The following LUM variants were observed in gnomAD, a reference collection of about 807,000 sequenced individuals.
LUM encodes the protein KSPG lumican.
Under a neutral mutation model 20.5 loss-of-function variants are expected in LUM, and 13 were observed. The ratio of observed to expected loss-of-function variants is 0.63; its 90% CI spans 0.41 to 1.01. The LOEUF (loss-of-function observed/expected upper bound fraction) is 1.01. Among genes scored for constraint, LUM ranks in the 50% least tolerant of loss-of-function variants. The pLI, the probability that LUM is intolerant of heterozygous loss-of-function variation, is 0.00. For synonymous variants in LUM, 173 were observed against 151.5 expected (o/e 1.14, Z -1.04); for missense variants, 321 against 391.1 (o/e 0.82, Z 1.51).
At chr12:91,111,038 G>T (rs1396461676) in intron 1 of LUM, among the ~76,000 whole-genome samples, 1 of 152,118 alleles carries the variant, frequency 6.6e-6, no homozygotes, top group Admixed American at 6.6e-5. Context: ...TGATTAAAAT[G>T]ACTTTTCTTT....
At chr12:91,109,093 G>T in intron 1 of LUM, 93 bp from the exon 2 acceptor site, 1 of 956,442 alleles carries the variant, frequency 1.0e-6, no homozygotes, top group Non-Finnish European at 1.5e-6. Context: ...TAGAAAATGT[G>T]CATTTTGTTA....
chr12:91,108,967 C>T lies in LUM; in HGVS notation c.13G>A (p.Ala5Thr), dbSNP rs1339010931. MSLS[A>T]FTLFLALIGG... ...ATCAATGCCAGGAAGAGAGTAAATG[C>T]ACTTAGACTCATTTTTGGCAAATGG... The change falls in exon 2 of 3, where the codon GCA becomes ACA. Residue 5 changes from alanine to threonine, a missense_variant. Physicochemically the swap from Ala to Thr is moderately conservative, Grantham distance 58 (BLOSUM62 0). Coordinates refer to ENST00000266718, the MANE Select transcript of LUM (RefSeq NM_002345.4). The surrounding 1 kb of genome is among the most constrained non-coding windows in gnomAD (Gnocchi z 4.2). 2.5e-6 allele frequency: 4 copies of T among 1,612,126 alleles called. No individual in the cohort carries two copies. Among genetic ancestry groups the T allele is most frequent in the South Asian group, 1.1e-5 (1 of 90,682 alleles).
At chr12:91,110,649 G>C (rs1405365777) in intron 1 of LUM, among the ~76,000 whole-genome samples, 1 of 152,088 alleles carries the variant, frequency 6.6e-6, no homozygotes, top group Non-Finnish European at 1.5e-5. Context: ...ACTATAATGT[G>C]AGTATTAAAT....
At chr12:91,105,568 G>A (rs1880012371) in intron 2 of LUM, among the ~76,000 whole-genome samples, 1 of 152,186 alleles carries the variant, frequency 6.6e-6, no homozygotes, top group South Asian at 2.1e-4. Flanking sequence ...AATGTGAAAT[G>A]TTGATATAGT....
In LUM at chr12:91,103,916, G is replaced by C. The variant is rs988152826; in HGVS notation, c.*249C>G. On this transcript the variant is annotated 3_prime_UTR_variant, in exon 3 of 3. Coordinates refer to ENST00000266718, the MANE Select transcript of LUM (RefSeq NM_002345.4). ...AAAAGGTTTTGCACATCATTTGACA[G>C]TAGAAATAAAAAAACACTAAATTTA... 3.0e-6 allele frequency: 1 copy of C among 330,704 alleles called. No homozygotes were observed. The allele number at this position is 330,704 out of a possible 1,614,324, so 20.5% of individuals were successfully genotyped here. A position where few individuals can be genotyped will look rare whatever the true frequency, so the allele number is the denominator to read the frequency against.
rs763454610 is a variant in LUM, at chr12:91,104,311, T to G, written c.871A>C (p.Ile291Leu). ...CCCAGGATCTTGCAGAAGCTCTTTA[T>G]GTCAAACTCTAAAAATTAAAGAATA... ...LEVNQLEKFD[I>L]KSFCKILGPL... is the part of the protein sequence containing the mutation. The change falls in exon 3 of 3, where the codon ATA becomes CTA. Residue 291 changes from isoleucine to leucine, a missense_variant. Physicochemically the swap from Ile to Leu is conservative, Grantham distance 5. Transcript: ENST00000266718. 1 of 1,610,624 alleles carries G rather than the reference T, an allele frequency of 6.2e-7. No individual in the cohort carries two copies. The highest frequency in any genetic ancestry group is 8.5e-7 in the Non-Finnish European group (1 of 1,177,782).
chr12:91,104,008 G>A lies in LUM; in HGVS notation c.*157C>T. On this transcript the variant is annotated 3_prime_UTR_variant, in exon 3 of 3. Transcript: ENST00000266718. ...TGTGTTCTTGTGATGAAATAGGCCTGCCTTTCATCTTTTCTTTAAAAAAAA... is the reference window on the plus strand; with the variant it reads ...TGTGTTCTTGTGATGAAATAGGCCTACCTTTCATCTTTTCTTTAAAAAAAA... The A allele has an allele frequency of 1.7e-6, 1 of 597,816 alleles. No individual in the cohort carries two copies. The highest frequency in any genetic ancestry group is 2.2e-5 in the South Asian group (1 of 44,458). The allele number at this position is 597,816 out of a possible 1,614,324, so 37.0% of individuals were successfully genotyped here. A position where few individuals can be genotyped will look rare whatever the true frequency, so the allele number is the denominator to read the frequency against.
At position 91,103,228 on chromosome 12, in the gene LUM, G is replaced by T. The variant is rs1879947665; in HGVS notation, c.*937C>A. The T allele has an allele frequency of 6.6e-6, 1 of 151,936 alleles. No individual in the cohort carries two copies. Among genetic ancestry groups the T allele is most frequent in the Non-Finnish European group, 1.5e-5 (1 of 67,932 alleles). 9.4% of individuals were successfully genotyped at this position (151,936 alleles called of 1,614,324 possible). ...TCCTGTGAGTTATCCACCATTTCTT[G>T]ACAACCAAGGAGTGAGTGCTGAGAT... is the stretch of plus-strand genomic sequence containing the variant. On this transcript the variant is annotated 3_prime_UTR_variant, in exon 3 of 3. Coordinates refer to ENST00000266718, the MANE Select transcript of LUM (RefSeq NM_002345.4).
intron 2 of LUM, among the ~76,000 whole-genome samples, chr12:91,106,165 T>C (rs1880027420): frequency 1.3e-5 from 2 of 152,182 alleles, no homozygotes; most frequent in African/African-American, 4.8e-5. Context: ...TATGGTCTTC[T>C]TTATGAAAAC....
Position 91,108,099 on chromosome 12 carries a change from G to A in LUM, c.862+19C>T. 2.5e-6 allele frequency: 4 copies of A among 1,613,496 alleles called. No individual in the cohort carries two copies. Among genetic ancestry groups the A allele is most frequent in the Non-Finnish European group, 3.4e-6 (4 of 1,179,664 alleles). ...AACACTTGAGCACACATCAAACACAGGAACAGCTTTTTACTTACTCTCAAG... is the reference window on the plus strand; with the variant it reads ...AACACTTGAGCACACATCAAACACAAGAACAGCTTTTTACTTACTCTCAAG... On this transcript the variant is annotated intron_variant, in intron 2 of 2. Transcript: ENST00000266718. This position sits in a 1 kb window ranked among gnomAD's most constrained non-coding sequence, Gnocchi z 4.2.
At chr12:91,110,821 CA>C (rs1349790592) in intron 1 of LUM, among the ~76,000 whole-genome samples, 1 of 152,048 alleles carries the variant, frequency 6.6e-6, no homozygotes, top group East Asian at 1.9e-4. Context: ...ATGCTGTTTT[CA>C]AAAACGAAAT....
At chr12:91,104,344 T>C in intron 2 of LUM, 25 bp from the exon 3 acceptor site, 1 of 1,568,366 alleles carries the variant, frequency 6.4e-7, no homozygotes. Flanking sequence ...ATAGAAAACA[T>C]TAATCATTTT....
At position 91,106,690 on chromosome 12, in the gene LUM, T is replaced by TAAAAAAAAAAA. The variant is rs374164456; in HGVS notation, c.862+1417_862+1427dup. On this transcript the variant is annotated intron_variant, in intron 2 of 2. Coordinates refer to ENST00000266718, the MANE Select transcript of LUM (RefSeq NM_002345.4). ...AAGCTCTGTAACACTATTTTTCTTCTAAAAAAAAAAAAAAAAAAAAAGATG... is the reference window on the plus strand; with the variant it reads ...AAGCTCTGTAACACTATTTTTCTTCTAAAAAAAAAAAAAAAAAAAAAAAAAAAAAAAAGATG... Among the ~76,000 whole-genome samples, 7 of 90,602 alleles carry TAAAAAAAAAAA rather than the reference T, an allele frequency of 7.7e-5. 1 individual carries two copies. Among genetic ancestry groups the TAAAAAAAAAAA allele is most frequent in the African/African-American group, 2.3e-4 (5 of 21,876 alleles). 59.4% of individuals were successfully genotyped at this position (90,602 alleles called of 152,430 possible). A position where few individuals can be genotyped will look rare whatever the true frequency, so the allele number is the denominator to read the frequency against.
intron 2 of LUM, among the ~76,000 whole-genome samples, chr12:91,106,371 T>C (rs1191276905): frequency 6.6e-6 from 1 of 152,188 alleles, no homozygotes; most frequent in Non-Finnish European, 1.5e-5. Flanking sequence ...CAATGTTTCC[T>C]GCTTGATTTT....
At chr12:91,109,616 T>G (rs531153417) in intron 1 of LUM, among the ~76,000 whole-genome samples, 132 of 152,308 alleles carry the variant, frequency 8.7e-4, no homozygotes, top group African/African-American at 3.1e-3. Flanking sequence ...TCTACACTTT[T>G]TAAAGCACAT....
At chr12:91,109,604 A>G (rs1010672285) in intron 1 of LUM, among the ~76,000 whole-genome samples, 5 of 152,196 alleles carry the variant, frequency 3.3e-5, no homozygotes, top group African/African-American at 9.7e-5. Context: ...TGTGCTTAAC[A>G]TTCTACACTT....
chr12:91,110,259 CT>C (rs1447859489), intron 1 of LUM, among the ~76,000 whole-genome samples: 1 of 152,104 alleles, frequency 6.6e-6, no homozygotes, highest in Non-Finnish European at 1.5e-5. Flanking sequence ...TGATTACAAG[CT>C]TTTGGATCAA....
intron 1 of LUM, among the ~76,000 whole-genome samples, chr12:91,110,665 T>C (rs1424720816): frequency 6.6e-6 from 1 of 152,152 alleles, no homozygotes; most frequent in Non-Finnish European, 1.5e-5. Context: ...TAAATAGTAA[T>C]GAAAAATGCT....
intron 2 of LUM, among the ~76,000 whole-genome samples, chr12:91,106,135 G>T (rs551937239): frequency 6.6e-6 from 1 of 152,134 alleles, no homozygotes. Context: ...AAGAACATGT[G>T]GAGCTTCAGA....
Sources: gnomAD v4.1 joint callset for allele counts (sites outside exome capture counted in the v4.1 genomes callset) on GRCh38, gnomAD v4.1.1 for gene constraint, Gnocchi (gnomAD v3.1) non-coding constraint, MANE v1.5 for transcripts, NCBI Gene and HGNC (gene_info 2026-07-23, HGNC 2026-07-21) for gene names.